Variants in SLCO1B1 observed in about 807,000 individuals in gnomAD.
SLCO1B1 encodes OATP-2.
In SLCO1B1, 81 loss-of-function variants were observed where a neutral mutation model predicts 70.1. That is an observed-to-expected ratio of 1.16 (90% CI 0.97 to 1.39). SLCO1B1 has a LOEUF of 1.39. Ranked by LOEUF, SLCO1B1 falls within the 40% of genes most tolerant of loss-of-function variation. The probability of loss-of-function intolerance (pLI) is 0.00; values close to 1 mark genes in which losing one functional copy is unlikely to be tolerated. For synonymous variants in SLCO1B1, 283 were observed against 271.5 expected, an observed-to-expected ratio of 1.04 and a Z score of -0.42; for missense variants, 895 against 799.6, an observed-to-expected ratio of 1.12 and a Z score of -1.44.
chr12:21,190,730 T>C (rs866931095), intron 7 of SLCO1B1, among the ~76,000 whole-genome samples: 9 of 151,380 alleles, frequency 5.9e-5, no homozygotes, highest in Non-Finnish European at 8.8e-5. Flanking sequence ...TCTTTGTATC[T>C]TCATGGCTTA....
chr12:21,162,953 A>C (rs1474639678), intron 2 of SLCO1B1, among the ~76,000 whole-genome samples: 2 of 152,168 alleles, frequency 1.3e-5, no homozygotes, highest in African/African-American at 2.4e-5. Context: ...TTTTTGTGGG[A>C]TATCTGGTGT....
Position 21,236,651 on chromosome 12 carries a change from G to T in SLCO1B1, c.1866-2328G>T, listed in dbSNP as rs575280780. Reference sequence around the variant, plus strand: ...GCACTTTCAGCTAAATTTTCACAGGGTTCTCTGGGGGTTGATTATTACCAG... The same window carrying T: ...GCACTTTCAGCTAAATTTTCACAGGTTTCTCTGGGGGTTGATTATTACCAG... On this transcript the variant is annotated intron_variant, in intron 14 of 14. Coordinates refer to ENST00000256958, the MANE Select transcript of SLCO1B1 (RefSeq NM_006446.5). Among the ~76,000 whole-genome samples the T allele has an allele frequency of 6.6e-5, 10 of 152,240 alleles. No homozygotes were observed. The East Asian group carries it at 1.7e-3, about 26-fold the overall frequency.
chr12:21,178,955 T>C lies in SLCO1B1; in HGVS notation c.662T>C (p.Ile221Thr), dbSNP rs139691245. The change falls in exon 7 of 15, where the codon ATC (isoleucine) becomes ACC (threonine). Residue 221 changes from isoleucine (I) to threonine (T), a missense_variant. Coordinates refer to ENST00000256958, the MANE Select transcript of SLCO1B1 (RefSeq NM_006446.5). ...AATGCAATAGCAATGATTGGTCCAA[T>C]CATTGGCTTTACCCTGGGATCTCTG... Reference protein sequence around the residue: ...ILNAIAMIGPIIGFTLGSLFS... With the variant: ...ILNAIAMIGPTIGFTLGSLFS... 6.2e-7 allele frequency: 1 copy of C among 1,612,324 alleles called. No individual in the cohort carries two copies. The highest frequency in any genetic ancestry group is 8.5e-7 in the Non-Finnish European group (1 of 1,178,724).
At chr12:21,233,180 G>C (rs1941559460) in intron 14 of SLCO1B1, among the ~76,000 whole-genome samples, 1 of 151,928 alleles carries the variant, frequency 6.6e-6, no homozygotes, top group Non-Finnish European at 1.5e-5. Flanking sequence ...TGAGAATTCA[G>C]GTCTCTGGGC....
intron 7 of SLCO1B1, among the ~76,000 whole-genome samples, chr12:21,191,439 A>T (rs2121130238): frequency 6.6e-6 from 1 of 152,252 alleles, no homozygotes. Context: ...TGGTTAATTC[A>T]TAGAAATATA....
chr12:21,172,905 T>C, intron 3 of SLCO1B1, 114 bp downstream of exon 3: 1 of 995,636 alleles, frequency 1.0e-6, no homozygotes, highest in Non-Finnish European at 1.5e-6. Context: ...AATTTGGCAA[T>C]AACTAAAAAC....
chr12:21,132,891 A>G (rs1309276429), intron 1 of SLCO1B1, among the ~76,000 whole-genome samples: 1 of 152,002 alleles, frequency 6.6e-6, no homozygotes, highest in Non-Finnish European at 1.5e-5. Flanking sequence ...GGTGTTTTAG[A>G]CATGAAGTCC....
chr12:21,212,538 C>G (rs1217021736), intron 11 of SLCO1B1, among the ~76,000 whole-genome samples: 1 of 131,256 alleles, frequency 7.6e-6, no homozygotes, highest in Non-Finnish European at 1.6e-5. Context: ...AATGTATATT[C>G]TGTTGATTTG....
chr12:21,172,239 C>T (rs1465963874), intron 2 of SLCO1B1, among the ~76,000 whole-genome samples: 1 of 152,186 alleles, frequency 6.6e-6, no homozygotes, highest in African/African-American at 2.4e-5. Flanking sequence ...TGTTTTTCAG[C>T]TGGCTTCCTG....
At chr12:21,144,355 A>C (rs980751489) in intron 2 of SLCO1B1, among the ~76,000 whole-genome samples, 5 of 152,110 alleles carry the variant, frequency 3.3e-5, no homozygotes, top group Non-Finnish European at 4.4e-5. Flanking sequence ...GAATCAACAC[A>C]AGCAGACAAA....
At chr12:21,196,054 C>T (rs1941088743) in intron 7 of SLCO1B1, among the ~76,000 whole-genome samples, 1 of 152,116 alleles carries the variant, frequency 6.6e-6, no homozygotes, top group Non-Finnish European at 1.5e-5. Context: ...AGAGGAACAG[C>T]AAAGAGGTGT....
At chr12:21,208,109 G>C (rs1185531809) in intron 11 of SLCO1B1, among the ~76,000 whole-genome samples, 1 of 143,918 alleles carries the variant, frequency 6.9e-6, no homozygotes, top group Non-Finnish European at 1.5e-5. Context: ...TCACTCTGTT[G>C]ATTATTTTTG....
At chr12:21,157,768 T>C (rs1339192385) in intron 2 of SLCO1B1, among the ~76,000 whole-genome samples, 1 of 151,792 alleles carries the variant, frequency 6.6e-6, no homozygotes, top group African/African-American at 2.4e-5. Flanking sequence ...CGCCCACTAA[T>C]TTTTTGTATT....
chr12:21,237,764 GA>G, intron 14 of SLCO1B1, among the ~76,000 whole-genome samples: 1 of 151,340 alleles, frequency 6.6e-6, no homozygotes, highest in Non-Finnish European at 1.5e-5. Flanking sequence ...GCCCAGGCTG[GA>G]GTGCAATGGC....
At chr12:21,207,250 C>T (rs1418463562) in intron 11 of SLCO1B1, among the ~76,000 whole-genome samples, 1 of 151,942 alleles carries the variant, frequency 6.6e-6, no homozygotes, top group Admixed American at 6.6e-5. Context: ...AGGTAGTGAG[C>T]ATAATACCCA....
At chr12:21,214,987 C>G (rs373258538) in intron 11 of SLCO1B1, among the ~76,000 whole-genome samples, 3,010 of 152,104 alleles carry the variant, frequency 0.02, 94 homozygotes, top group African/African-American at 0.069. Context: ...GAGATGAACC[C>G]GGTACCTCAG....
At chr12:21,199,018 A>G (rs764249774) in intron 8 of SLCO1B1, among the ~76,000 whole-genome samples, 2 of 152,132 alleles carry the variant, frequency 1.3e-5, no homozygotes, top group Non-Finnish European at 2.9e-5. Context: ...CTGTGGAGAG[A>G]AATGTGGCAC....
At position 21,239,262 on chromosome 12, in the gene SLCO1B1, T is replaced by G. The variant is rs1941624736; in HGVS notation, c.*73T>G. 1 of 1,069,500 alleles carries G rather than the reference T, an allele frequency of 9.4e-7. No homozygotes were observed. Among genetic ancestry groups the G allele is most frequent in the African/African-American group, 1.6e-5 (1 of 64,356 alleles). The allele number at this position is 1,069,500 out of a possible 1,614,324, so 66.3% of individuals were successfully genotyped here. A position where few individuals can be genotyped will look rare whatever the true frequency, so the allele number is the denominator to read the frequency against. On this transcript the variant is annotated 3_prime_UTR_variant, in exon 15 of 15. Coordinates refer to ENST00000256958, the MANE Select transcript of SLCO1B1 (RefSeq NM_006446.5). Reference sequence around the variant, plus strand: ...CATTGATTCAGTAAGATGTTATTTTTGAGGAGTTCCTGGTCCTTTCACTAA... The same window carrying G: ...CATTGATTCAGTAAGATGTTATTTTGGAGGAGTTCCTGGTCCTTTCACTAA...
At chr12:21,151,047 A>G (rs188304947) in intron 2 of SLCO1B1, among the ~76,000 whole-genome samples, 28 of 152,326 alleles carry the variant, frequency 1.8e-4, no homozygotes, top group Admixed American at 5.9e-4. Flanking sequence ...GTGTACATAC[A>G]TAAACCTAGA....
Sources: allele counts gnomAD v4.1 joint callset (sites outside exome capture counted in the v4.1 genomes callset), GRCh38; gene constraint gnomAD v4.1.1; transcripts MANE v1.5; gene names NCBI Gene and HGNC (gene_info 2026-07-23, HGNC 2026-07-21).